MAP2: variants seen among roughly 807,000 people sequenced by gnomAD.
MAP2 encodes the protein microtubule associated protein 2.
Under a neutral mutation model 137.6 loss-of-function variants are expected in MAP2, and 14 were observed. That is an observed-to-expected ratio of 0.10 (90% confidence interval 0.07 to 0.16). The LOEUF is 0.16. Ranked by LOEUF, MAP2 falls within the 10% of genes least tolerant of loss-of-function variation. The probability of loss-of-function intolerance (pLI) is 1.00; values close to 1 mark genes in which losing one functional copy is unlikely to be tolerated. For synonymous variants in MAP2, 786 were observed against 782.3 expected (o/e 1.00, Z -0.08); for missense variants, 2,088 against 2,191.5 (o/e 0.95, Z 0.94).
intron 1 of MAP2, among the ~76,000 whole-genome samples, chr2:209,451,596 G>C (rs925374817): frequency 5.9e-5 from 9 of 152,072 alleles, no homozygotes; most frequent in African/African-American, 1.2e-4. Context: ...CTTGGTTTCC[G>C]TAACCTTATC....
At chr2:209,479,339 A>G (rs761083985) in intron 1 of MAP2, among the ~76,000 whole-genome samples, 1 of 152,150 alleles carries the variant, frequency 6.6e-6, no homozygotes, top group African/African-American at 2.4e-5. Flanking sequence ...AATACTCTGC[A>G]TCACTTATAT....
At chr2:209,723,102 G>A (rs2072001557) in intron 13 of MAP2, among the ~76,000 whole-genome samples, 1 of 152,198 alleles carries the variant, frequency 6.6e-6, no homozygotes, top group African/African-American at 2.4e-5. Context: ...CCATGTGTGA[G>A]CCCCATTTGT....
At chr2:209,492,100 C>T (rs1286720213) in intron 1 of MAP2, among the ~76,000 whole-genome samples, 1 of 152,190 alleles carries the variant, frequency 6.6e-6, no homozygotes, top group Non-Finnish European at 1.5e-5. Context: ...CGACTATGAT[C>T]AAGTTGGCTT....
chr2:209,581,865 A>G (rs1257241525), intron 3 of MAP2, among the ~76,000 whole-genome samples: 1 of 152,194 alleles, frequency 6.6e-6, no homozygotes, highest in Non-Finnish European at 1.5e-5. Context: ...TCTGGCATCT[A>G]AATTTTGGAG....
chr2:209,721,389 G>T (rs2070850750), intron 13 of MAP2, among the ~76,000 whole-genome samples: 1 of 152,208 alleles, frequency 6.6e-6, no homozygotes, highest in South Asian at 2.1e-4. Flanking sequence ...TAATGCATGT[G>T]AAAGGATAGG....
At chr2:209,618,772 C>T (rs2153514432) in intron 3 of MAP2, among the ~76,000 whole-genome samples, 1 of 152,206 alleles carries the variant, frequency 6.6e-6, no homozygotes, top group South Asian at 2.1e-4. Context: ...CCAGCAATCC[C>T]ACTACTGGAT....
intron 2 of MAP2, among the ~76,000 whole-genome samples, chr2:209,535,325 C>A (rs767080606): frequency 1.3e-5 from 2 of 152,206 alleles, no homozygotes; most frequent in Non-Finnish European, 2.9e-5. Context: ...TGCTTCCCTA[C>A]TTATCCTGGA....
intron 3 of MAP2, among the ~76,000 whole-genome samples, chr2:209,589,262 A>T (rs1237052686): frequency 6.6e-6 from 1 of 152,212 alleles, no homozygotes; most frequent in Non-Finnish European, 1.5e-5. Flanking sequence ...TGGAATGGGA[A>T]AGGCAGACAT....
At chr2:209,721,335 A>G (rs1195235809) in intron 13 of MAP2, among the ~76,000 whole-genome samples, 1 of 152,188 alleles carries the variant, frequency 6.6e-6, no homozygotes, top group Non-Finnish European at 1.5e-5. Context: ...AAAAAATTAT[A>G]ATATAAAGCT....
At chr2:209,598,520 C>T (rs1392938384) in intron 3 of MAP2, among the ~76,000 whole-genome samples, 1 of 149,680 alleles carries the variant, frequency 6.7e-6, no homozygotes. Context: ...CATATGTATA[C>T]ATGTGCCATG....
At chr2:209,545,977 A>G (rs1212887163) in intron 2 of MAP2, among the ~76,000 whole-genome samples, 1 of 151,972 alleles carries the variant, frequency 6.6e-6, no homozygotes, top group Admixed American at 6.6e-5. Context: ...CGTCTCTACT[A>G]AAAAAATACA....
intron 1 of MAP2, among the ~76,000 whole-genome samples, chr2:209,443,618 A>G (rs996693879): frequency 6.6e-6 from 1 of 151,598 alleles, no homozygotes; most frequent in Non-Finnish European, 1.5e-5. Flanking sequence ...CCTATCCTGG[A>G]TAAACTAAAG....
intron 2 of MAP2, among the ~76,000 whole-genome samples, chr2:209,561,127 C>T (rs147215684): frequency 1.1e-4 from 16 of 152,280 alleles, no homozygotes; most frequent in Admixed American, 1.3e-4. Context: ...TGATTTTACA[C>T]GTCCTCTTTT....
chr2:209,511,730 C>A (rs2061748663), intron 2 of MAP2, among the ~76,000 whole-genome samples: 1 of 151,868 alleles, frequency 6.6e-6, no homozygotes, highest in Admixed American at 6.6e-5. Context: ...TGCCACCATT[C>A]CTGGCTATAT....
intron 13 of MAP2, chr2:209,723,474 C>T (rs1361508163): frequency 7.6e-6 from 5 of 653,880 alleles, no homozygotes; most frequent in Non-Finnish European, 1.4e-5. Context: ...TAGATTTTCT[C>T]TTAAATAAAT....
intron 2 of MAP2, among the ~76,000 whole-genome samples, chr2:209,512,280 T>C (rs2061827625): frequency 6.6e-6 from 1 of 152,114 alleles, no homozygotes; most frequent in Non-Finnish European, 1.5e-5. Flanking sequence ...CTGATAAATA[T>C]GTAAATTATA....
intron 10 of MAP2, 48 bp from the exon 11 acceptor site, chr2:209,700,229 A>G: frequency 1.3e-6 from 2 of 1,509,188 alleles, no homozygotes; most frequent in East Asian, 2.3e-5. Flanking sequence ...TGCATTTATG[A>G]CTTTTTAGCA....
chr2:209,450,001 G>C (rs1428681332), intron 1 of MAP2, among the ~76,000 whole-genome samples: 1 of 152,106 alleles, frequency 6.6e-6, no homozygotes, highest in Non-Finnish European at 1.5e-5. Context: ...GAGTGCAGTG[G>C]CGCAATCTCA....
At chr2:209,530,027 A>G (rs761851145) in intron 2 of MAP2, among the ~76,000 whole-genome samples, 3 of 152,108 alleles carry the variant, frequency 2.0e-5, no homozygotes, top group Non-Finnish European at 4.4e-5. Context: ...TTAAAATAAC[A>G]GTAACTTAAG....
Sources: allele counts gnomAD v4.1 joint callset (sites outside exome capture counted in the v4.1 genomes callset), GRCh38; gene constraint gnomAD v4.1.1; transcripts MANE v1.5; gene names NCBI Gene and HGNC (gene_info 2026-07-23, HGNC 2026-07-21).